Variants in PLB1 observed in about 807,000 individuals in gnomAD.
The protein encoded by PLB1 is phospholipase B1, also known as phospholipase B1, membrane-associated.
Under a neutral mutation model 227.4 loss-of-function variants are expected in PLB1, and 242 were observed. The observed-to-expected ratio is 1.06, with a 90% CI of 0.96 to 1.18. The LOEUF is 1.18. Among genes scored for constraint, PLB1 ranks in the 50% most tolerant of loss-of-function variants. The probability of loss-of-function intolerance (pLI) is 0.00; values close to 1 mark genes in which losing one functional copy is unlikely to be tolerated. For synonymous variants in PLB1, 757 were observed against 682.2 expected (o/e 1.11, Z -1.71); for missense variants, 1,858 against 1,816.3 (o/e 1.02, Z -0.42).
intron 17 of PLB1, among the ~76,000 whole-genome samples, chr2:28,557,687 T>C (rs775484052): frequency 1.6e-4 from 25 of 152,202 alleles, no homozygotes; most frequent in Admixed American, 8.5e-4. Flanking sequence ...GTTAATGATG[T>C]GTTTATCAGC....
At chr2:28,552,891 A>T in intron 16 of PLB1, 37 bp from the exon 17 acceptor site, 1 of 1,593,640 alleles carries the variant, frequency 6.3e-7, no homozygotes, top group Non-Finnish European at 8.6e-7. Flanking sequence ...GTTTAGAAAA[A>T]TCCATTTTCC....
chr2:28,629,122 A>T lies in PLB1; in HGVS notation c.3755A>T (p.Glu1252Val). 1 of 1,613,850 alleles carries T rather than the reference A, an allele frequency of 6.2e-7. No individual in the cohort carries two copies. Reference protein sequence around the residue: ...ELPRAFVNVVEVMELASLYQG... With the variant: ...ELPRAFVNVVVVMELASLYQG... ...CCAAGGGCTTTCGTCAACGTGGTGG[A>T]GGTCATGGAGCTGGCTAGCCTGTAC... Residue 1252 changes from glutamate to valine, a missense_variant, in exon 53 of 58, where the codon GAG becomes GTG. Transcript: ENST00000327757.
chr2:28,559,367 A>C (rs1675666011), intron 17 of PLB1, among the ~76,000 whole-genome samples: 1 of 152,246 alleles, frequency 6.6e-6, no homozygotes, highest in South Asian at 2.1e-4. Context: ...ATTCCGATGC[A>C]GGCTCAATTG....
At chr2:28,545,171 T>A (rs1480973986) in intron 14 of PLB1, among the ~76,000 whole-genome samples, 2 of 152,052 alleles carry the variant, frequency 1.3e-5, no homozygotes, top group African/African-American at 2.4e-5. Context: ...TCACAAGGGC[T>A]TAGAAGAGGA....
chr2:28,613,976 C>A, intron 43 of PLB1, 55 bp from the exon 44 acceptor site: 2 of 1,453,588 alleles, frequency 1.4e-6, no homozygotes, highest in South Asian at 1.1e-5. Context: ...TTCTCCTTCT[C>A]AAGCAAACTT....
chr2:28,531,666 A>G (rs997433072), intron 8 of PLB1, among the ~76,000 whole-genome samples: 1 of 152,174 alleles, frequency 6.6e-6, no homozygotes, highest in Non-Finnish European at 1.5e-5. Context: ...TTCCCATGAT[A>G]ATTACATTTT....
intron 49 of PLB1, among the ~76,000 whole-genome samples, chr2:28,623,406 G>A (rs1032276687): frequency 2.0e-5 from 3 of 152,160 alleles, no homozygotes; most frequent in Non-Finnish European, 4.4e-5. Context: ...TCCTACCCAC[G>A]AGGGCTTATT....
chr2:28,498,035 T>C (rs976437080), intron 1 of PLB1, among the ~76,000 whole-genome samples: 1 of 151,682 alleles, frequency 6.6e-6, no homozygotes, highest in Non-Finnish European at 1.5e-5. Flanking sequence ...CTTAAGTATA[T>C]GTATTTTAAA....
chr2:28,585,546 G>T, intron 25 of PLB1: 1 of 484,228 alleles, frequency 2.1e-6, no homozygotes, highest in Non-Finnish European at 3.8e-6. Context: ...CAAAGTGCTG[G>T]CATTACAGGC....
chr2:28,576,831 A>G (rs569337621), intron 21 of PLB1, among the ~76,000 whole-genome samples: 29 of 152,352 alleles, frequency 1.9e-4, no homozygotes, highest in African/African-American at 6.5e-4. Context: ...GAGGAAATCA[A>G]GCCTCAAAAA....
At chr2:28,639,207 G>A (rs11677442) in intron 56 of PLB1, among the ~76,000 whole-genome samples, 37,168 of 152,098 alleles carry the variant, frequency 0.24, 4,779 homozygotes, top group East Asian at 0.31. Flanking sequence ...GAGAAGGAGA[G>A]TGTGGAGGTA....
chr2:28,563,002 G>A (rs1396357778), intron 17 of PLB1, 39 bp from the exon 18 acceptor site: 1 of 1,577,438 alleles, frequency 6.3e-7, no homozygotes, highest in East Asian at 2.2e-5. Context: ...TGCTTTCCTG[G>A]AAGCCCCATT....
intron 44 of PLB1, among the ~76,000 whole-genome samples, chr2:28,616,447 G>A (rs1686207845): frequency 6.6e-6 from 1 of 152,182 alleles, no homozygotes; most frequent in Admixed American, 6.5e-5. Flanking sequence ...AGAGTCCTGG[G>A]CACCACCCCA....
At position 28,625,082 on chromosome 2, in the gene PLB1, C is replaced by G; in HGVS notation, c.3553C>G (p.Leu1185Val). The G allele has an allele frequency of 6.2e-7, 1 of 1,613,666 alleles. No individual in the cohort carries two copies. Among genetic ancestry groups the G allele is most frequent in the Non-Finnish European group, 8.5e-7 (1 of 1,179,726 alleles). ...ARDMPAQAWD[L>V]VERMKNSPDI... ...GGACATGCCAGCCCAGGCCTGGGAC[C>G]TGGTAGAGCGAATGAAAAACAGCCC... The change falls in exon 50 of 58, where the codon CTG (leucine) becomes GTG (valine). Residue 1185 changes from leucine (L) to valine (V), a missense_variant. Leu to Val is a conservative substitution (Grantham distance 32, BLOSUM62 1). Coordinates refer to ENST00000327757, the MANE Select transcript of PLB1 (RefSeq NM_153021.5).
At chr2:28,614,297 G>A (rs913328178) in intron 44 of PLB1, among the ~76,000 whole-genome samples, 3 of 152,140 alleles carry the variant, frequency 2.0e-5, no homozygotes, top group East Asian at 1.9e-4. Flanking sequence ...CTTACCTGAC[G>A]TCAGCCCCCA....
chr2:28,538,243 C>A (rs766579423), intron 9 of PLB1, 76 bp from the exon 10 acceptor site: 10 of 1,578,260 alleles, frequency 6.3e-6, no homozygotes, highest in Non-Finnish European at 5.2e-6. Context: ...AGGGATGGGC[C>A]TGTTGTGAGT....
chr2:28,634,730 G>C (rs1206801268), intron 56 of PLB1, among the ~76,000 whole-genome samples: 1 of 152,144 alleles, frequency 6.6e-6, no homozygotes, highest in African/African-American at 2.4e-5. Flanking sequence ...CAACACAGGG[G>C]AGATTCTGTC....
At chr2:28,600,944 A>C in intron 36 of PLB1, 84 bp downstream of exon 36, 2 of 1,256,054 alleles carry the variant, frequency 1.6e-6, no homozygotes. Flanking sequence ...TGCTCTGAAA[A>C]GCAGTGAGCC....
Position 28,589,474 on chromosome 2 carries a change from AG to A in PLB1, c.1841del (p.Ser614MetfsTer88). On this transcript the variant is annotated frameshift_variant, in exon 27 of 58. Coordinates refer to ENST00000327757, the MANE Select transcript of PLB1 (RefSeq NM_153021.5). LOFTEE classifies it high-confidence loss of function. ...FQEKTHQLIE[S>X]GRYDTREDFT... ...GGAGAAGACCCACCAACTGATTGAG[AG>A]TGGGCGATATGACACAAGGGAAGAT... 1 of 1,614,158 alleles carries A rather than the reference AG, an allele frequency of 6.2e-7. No individual in the cohort carries two copies. The highest frequency in any genetic ancestry group is 1.1e-5 in the South Asian group (1 of 91,076).
Sources: gnomAD v4.1 joint callset for allele counts (sites outside exome capture counted in the v4.1 genomes callset) on GRCh38, gnomAD v4.1.1 for gene constraint, MANE v1.5 for transcripts, NCBI Gene and HGNC (gene_info 2026-07-23, HGNC 2026-07-21) for gene names.